The following OLA1 variants were observed in gnomAD, a reference collection of about 807,000 sequenced individuals.
The protein encoded by OLA1 is obg-like ATPase 1.
A neutral mutation model predicts 48.4 loss-of-function variants in OLA1; 14 were observed. The observed-to-expected ratio is 0.29, with a 90% CI of 0.19 to 0.45. OLA1 has a LOEUF of 0.45. OLA1 is among the 20% of genes least tolerant of loss of function. The pLI, the probability that OLA1 is intolerant of heterozygous loss-of-function variation, is 1.00. For synonymous variants in OLA1, 127 were observed against 150.4 expected (o/e 0.84, Z 1.14); for missense variants, 325 against 467.1 (o/e 0.70, Z 2.80).
At chr2:174,078,711 C>T (rs1402582327) in intron 10 of OLA1, among the ~76,000 whole-genome samples, 2 of 151,696 alleles carry the variant, frequency 1.3e-5, no homozygotes, top group African/African-American at 2.4e-5. Flanking sequence ...TTACTTAAAC[C>T]TAATTTATTT....
At chr2:174,169,864 T>C (rs974973286) in intron 4 of OLA1, among the ~76,000 whole-genome samples, 1 of 152,238 alleles carries the variant, frequency 6.6e-6, no homozygotes, top group African/African-American at 2.4e-5. Context: ...GAAATGTACA[T>C]TTTTAAATGG....
At chr2:174,203,887 C>T (rs1031491330) in intron 4 of OLA1, among the ~76,000 whole-genome samples, 2 of 150,372 alleles carry the variant, frequency 1.3e-5, no homozygotes, top group African/African-American at 2.4e-5. Flanking sequence ...CTCTGCCGCC[C>T]GGGTTCAAGT....
chr2:174,222,902 A>C, intron 4 of OLA1, 131 bp downstream of exon 4: 1 of 933,192 alleles, frequency 1.1e-6, no homozygotes, highest in Non-Finnish European at 1.6e-6. Context: ...ACAGATTTAC[A>C]GACAAACCCA....
intron 10 of OLA1, 71 bp downstream of exon 10, chr2:174,078,897 T>C: frequency 6.9e-7 from 1 of 1,447,320 alleles, no homozygotes; most frequent in Non-Finnish European, 9.4e-7. Context: ...TAATTATCAT[T>C]CATTTTTATC....
chr2:174,080,762 G>A (rs922448315), intron 9 of OLA1: 2 of 170,116 alleles, frequency 1.2e-5, no homozygotes, highest in Non-Finnish European at 2.5e-5. Context: ...CAAAGCAAAG[G>A]AGGAAAGAAC....
intron 4 of OLA1, among the ~76,000 whole-genome samples, chr2:174,156,738 C>G (rs983168052): frequency 1.3e-5 from 2 of 151,920 alleles, no homozygotes; most frequent in African/African-American, 2.4e-5. Context: ...GCGCCCACCA[C>G]CACACCCAGC....
intron 2 of OLA1, among the ~76,000 whole-genome samples, chr2:174,244,754 A>G (rs1689090857): frequency 1.3e-5 from 2 of 151,868 alleles, no homozygotes; most frequent in South Asian, 2.1e-4. Context: ...CCTCCCGAGT[A>G]TCTGGAATTA....
intron 7 of OLA1, among the ~76,000 whole-genome samples, chr2:174,122,480 T>C (rs1685935395): frequency 6.6e-6 from 1 of 152,240 alleles, no homozygotes; most frequent in South Asian, 2.1e-4. Flanking sequence ...TTGGATAGTT[T>C]TGATTTGTTT....
intron 10 of OLA1, among the ~76,000 whole-genome samples, chr2:174,076,279 G>T (rs925953776): frequency 3.9e-5 from 6 of 152,078 alleles, no homozygotes; most frequent in Admixed American, 3.3e-4. Context: ...AGAAAACCAG[G>T]TTTAGTCCAT....
intron 4 of OLA1, among the ~76,000 whole-genome samples, chr2:174,201,342 C>T (rs1559002007): frequency 1.3e-5 from 2 of 152,170 alleles, no homozygotes; most frequent in Non-Finnish European, 2.9e-5. Flanking sequence ...CTTCATCTCT[C>T]TTTTTAAGAG....
chr2:174,163,193 C>G (rs1029585603), intron 4 of OLA1, among the ~76,000 whole-genome samples: 2 of 152,120 alleles, frequency 1.3e-5, no homozygotes, highest in Admixed American at 1.3e-4. Flanking sequence ...CATTTTAAAG[C>G]AAACATATGT....
chr2:174,085,851 C>A (rs1684963955), intron 7 of OLA1, among the ~76,000 whole-genome samples: 1 of 152,192 alleles, frequency 6.6e-6, no homozygotes, highest in Admixed American at 6.5e-5. Context: ...TTGTCCCTTT[C>A]AACATTAATT....
chr2:174,181,006 C>T (rs1165371416), intron 4 of OLA1, among the ~76,000 whole-genome samples: 1 of 152,122 alleles, frequency 6.6e-6, no homozygotes, highest in Non-Finnish European at 1.5e-5. Context: ...AGGACAATGG[C>T]ACATACAAGG....
chr2:174,198,107 G>A (rs1175141218), intron 4 of OLA1, among the ~76,000 whole-genome samples: 1 of 152,118 alleles, frequency 6.6e-6, no homozygotes, highest in African/African-American at 2.4e-5. Flanking sequence ...TGGGATTACA[G>A]GCATGCCACC....
chr2:174,133,218 G>A (rs1239303249), intron 5 of OLA1, among the ~76,000 whole-genome samples: 3 of 152,046 alleles, frequency 2.0e-5, no homozygotes, highest in South Asian at 2.1e-4. Flanking sequence ...ACAATGGTTC[G>A]TTCGATTTAA....
chr2:174,112,655 G>A (rs1317607216), intron 7 of OLA1, among the ~76,000 whole-genome samples: 1 of 152,128 alleles, frequency 6.6e-6, no homozygotes. Context: ...AGTTATTTCA[G>A]GAGTGGACTC....
chr2:174,076,371 C>T (rs1431503287), intron 10 of OLA1, among the ~76,000 whole-genome samples: 1 of 152,184 alleles, frequency 6.6e-6, no homozygotes, highest in East Asian at 1.9e-4. Flanking sequence ...CATGGTCCCA[C>T]ATGACCCCAC....
At chr2:174,112,558 T>C (rs1386938867) in intron 7 of OLA1, among the ~76,000 whole-genome samples, 2 of 152,100 alleles carry the variant, frequency 1.3e-5, no homozygotes, top group East Asian at 1.9e-4. Flanking sequence ...TGCAATGGGA[T>C]TGGGAAGTGG....
chr2:174,215,083 C>T (rs1001812211), intron 4 of OLA1, among the ~76,000 whole-genome samples: 3 of 151,288 alleles, frequency 2.0e-5, no homozygotes, highest in African/African-American at 4.9e-5. Context: ...AAGCAAACTT[C>T]GGAAGAAAAT....
Sources: allele counts gnomAD v4.1 joint callset (sites outside exome capture counted in the v4.1 genomes callset), GRCh38; gene constraint gnomAD v4.1.1; transcripts MANE v1.5; gene names NCBI Gene and HGNC (gene_info 2026-07-23, HGNC 2026-07-21).